The following UGGT2 variants were observed in gnomAD, a reference collection of about 807,000 sequenced individuals.
UGGT2 encodes the protein UDP-glucose:glycoprotein glucosyltransferase 2.
In UGGT2, 180 loss-of-function variants were observed where a neutral mutation model predicts 192.1. That is an observed-to-expected ratio of 0.94 (90% confidence interval 0.83 to 1.06). The LOEUF (loss-of-function observed/expected upper bound fraction) is 1.06. UGGT2 is among the 50% of genes least tolerant of loss of function. UGGT2 has a pLI of 0.00. For synonymous variants in UGGT2, 580 were observed against 591.0 expected, an observed-to-expected ratio of 0.98 and a Z score of 0.27; for missense variants, 1,849 against 1,795.7, an observed-to-expected ratio of 1.03 and a Z score of -0.54.
Position 95,853,606 on chromosome 13 carries a change from G to C in UGGT2, c.4221C>G (p.Asp1407Glu), listed in dbSNP as rs775905974. 6.2e-7 allele frequency: 1 copy of C among 1,600,420 alleles called. No individual in the cohort carries two copies. Among genetic ancestry groups the C allele is most frequent in the South Asian group, 1.1e-5 (1 of 88,048 alleles). Residue 1407 changes from aspartate to glutamate, a missense_variant, in exon 36 of 39, where the codon GAC becomes GAG. Asp to Glu is a conservative substitution (Grantham distance 45). Transcript: ENST00000376747. ...GAGCTTGATACTGGCTCCTGAGCCT[G>C]TCACCTGCTCCAATTCTCCTGAACT... is the stretch of plus-strand genomic sequence containing the variant. ...LKKFRRIGAG[D>E]RLRSQYQALS...
chr13:95,902,226 T>A (rs886454736), intron 21 of UGGT2, among the ~76,000 whole-genome samples: 1 of 152,158 alleles, frequency 6.6e-6, no homozygotes, highest in African/African-American at 2.4e-5. Context: ...TAATTTATTT[T>A]CTCACTCTCA....
At chr13:95,982,853 T>C (rs2051171555) in intron 10 of UGGT2, among the ~76,000 whole-genome samples, 1 of 152,198 alleles carries the variant, frequency 6.6e-6, no homozygotes, top group Non-Finnish European at 1.5e-5. Context: ...AGGCAAAGAA[T>C]GTCCCAGGTA....
intron 17 of UGGT2, among the ~76,000 whole-genome samples, chr13:95,936,699 G>C (rs908760411): frequency 6.6e-6 from 1 of 152,234 alleles, no homozygotes; most frequent in Non-Finnish European, 1.5e-5. Flanking sequence ...CCAGATTCCT[G>C]AAGATCTGCC....
intron 1 of UGGT2, among the ~76,000 whole-genome samples, chr13:96,038,007 G>A (rs139881731): frequency 0.014 from 2,187 of 152,288 alleles, 24 homozygotes; most frequent in Non-Finnish European, 0.021. Flanking sequence ...TAGAGAGAAA[G>A]ATTTTAGTTT....
intron 27 of UGGT2, among the ~76,000 whole-genome samples, chr13:95,881,455 A>G (rs1024783399): frequency 3.3e-5 from 5 of 152,190 alleles, no homozygotes; most frequent in African/African-American, 7.2e-5. Flanking sequence ...TAAATTTCAT[A>G]TATTATGCAC....
chr13:95,856,414 TA>T, intron 33 of UGGT2, 74 bp from the exon 34 acceptor site: 2 of 1,498,818 alleles, frequency 1.3e-6, no homozygotes, highest in Non-Finnish European at 1.8e-6. Context: ...AAAATAACAT[TA>T]AAAAGGTAAA....
chr13:95,868,324 G>T (rs886823032), intron 29 of UGGT2, among the ~76,000 whole-genome samples: 6 of 152,136 alleles, frequency 3.9e-5, no homozygotes, highest in African/African-American at 1.4e-4. Context: ...AGCCAGGTGT[G>T]ATGGCTTACA....
At chr13:95,864,183 T>A (rs1890425427) in intron 30 of UGGT2, among the ~76,000 whole-genome samples, 1 of 152,114 alleles carries the variant, frequency 6.6e-6, no homozygotes, top group Non-Finnish European at 1.5e-5. Context: ...ATTTTTTTAT[T>A]CCCACAATCC....
intron 38 of UGGT2, among the ~76,000 whole-genome samples, chr13:95,824,806 T>C (rs1251302117): frequency 2.6e-5 from 4 of 152,226 alleles, no homozygotes; most frequent in African/African-American, 9.6e-5. Flanking sequence ...GATCCACTGC[T>C]GGAGAGACCG....
At chr13:96,019,026 A>C (rs569679371) in intron 4 of UGGT2, among the ~76,000 whole-genome samples, 1 of 151,354 alleles carries the variant, frequency 6.6e-6, no homozygotes, top group South Asian at 2.1e-4. Flanking sequence ...AGAAAAAAAA[A>C]CCATTGACCA....
At chr13:95,859,560 A>T in intron 33 of UGGT2, 31 bp downstream of exon 33, 1 of 1,491,282 alleles carries the variant, frequency 6.7e-7, no homozygotes, top group Admixed American at 1.7e-5. Flanking sequence ...TTCAAACATT[A>T]ACCATTCTAC....
At chr13:96,042,142 C>T (rs1053727855) in intron 1 of UGGT2, among the ~76,000 whole-genome samples, 1 of 152,162 alleles carries the variant, frequency 6.6e-6, no homozygotes, top group Admixed American at 6.5e-5. Flanking sequence ...CCACCTCCAG[C>T]AGAGCAGGTG....
At chr13:95,818,291 G>A (rs1406604458) in intron 38 of UGGT2, among the ~76,000 whole-genome samples, 1 of 152,208 alleles carries the variant, frequency 6.6e-6, no homozygotes, top group African/African-American at 2.4e-5. Context: ...AAGCCTGGGA[G>A]GCAGTGTGAG....
intron 5 of UGGT2, among the ~76,000 whole-genome samples, chr13:96,011,232 G>A (rs1487119418): frequency 6.6e-6 from 1 of 152,044 alleles, no homozygotes; most frequent in South Asian, 2.1e-4. Context: ...ACAAAAAAAT[G>A]ATGAACTGGA....
chr13:96,021,462 A>G (rs2052513422), intron 4 of UGGT2, among the ~76,000 whole-genome samples: 1 of 152,254 alleles, frequency 6.6e-6, no homozygotes, highest in Non-Finnish European at 1.5e-5. Flanking sequence ...GATAATTCCT[A>G]TATTAACTCA....
At chr13:95,897,748 A>G (rs1490045761) in intron 22 of UGGT2, among the ~76,000 whole-genome samples, 1 of 152,198 alleles carries the variant, frequency 6.6e-6, no homozygotes. Flanking sequence ...ATACTTTTCT[A>G]TTAAAACCAC....
At chr13:95,854,595 A>C in intron 34 of UGGT2, 120 bp from the exon 35 acceptor site, 1 of 816,198 alleles carries the variant, frequency 1.2e-6, no homozygotes. Flanking sequence ...TTGTCCTCAC[A>C]GTGCTTTCAT....
Position 95,906,185 on chromosome 13 carries a change from C to A in UGGT2, c.2296-3125G>T, listed in dbSNP as rs376072710. On this transcript the variant is annotated intron_variant, in intron 20 of 38. Coordinates refer to ENST00000376747, the MANE Select transcript of UGGT2 (RefSeq NM_020121.4). Reference sequence around the variant, plus strand: ...TTTTGAATCTGCTTGACAATTTCCACAAAAATTTCCAGTGTTCGATATTTT... The same window carrying A: ...TTTTGAATCTGCTTGACAATTTCCAAAAAAATTTCCAGTGTTCGATATTTT... Among the ~76,000 whole-genome samples the A allele has an allele frequency of 2.6e-3, 393 of 152,238 alleles. 4 individuals carry two copies. Among genetic ancestry groups the A allele is most frequent in the African/African-American group, 9.1e-3 (379 of 41,542 alleles).
At chr13:95,953,645 T>G (rs906688999) in intron 12 of UGGT2, among the ~76,000 whole-genome samples, 1 of 152,234 alleles carries the variant, frequency 6.6e-6, no homozygotes, top group Non-Finnish European at 1.5e-5. Context: ...CTGTCTTCAC[T>G]CTTTTCTACT....
Sources: allele counts gnomAD v4.1 joint callset (sites outside exome capture counted in the v4.1 genomes callset), GRCh38; gene constraint gnomAD v4.1.1; transcripts MANE v1.5; gene names NCBI Gene and HGNC (gene_info 2026-07-23, HGNC 2026-07-21).